CTNNA3: variants seen among roughly 807,000 people sequenced by gnomAD.
CTNNA3 encodes the protein catenin alpha-3.
Under a neutral mutation model 95.7 loss-of-function variants are expected in CTNNA3, and 76 were observed. The ratio of observed to expected loss-of-function variants is 0.79; its 90% CI spans 0.66 to 0.96. The LOEUF (loss-of-function observed/expected upper bound fraction) is 0.96. Ranked by LOEUF, CTNNA3 falls within the 40% of genes least tolerant of loss-of-function variation. CTNNA3 has a pLI of 0.00. For missense variants in CTNNA3, 1,191 were observed against 1,089.8 expected, an observed-to-expected ratio of 1.09 and a Z score of -1.31; for synonymous variants, 431 against 374.4, an observed-to-expected ratio of 1.15 and a Z score of -1.74.
At chr10:66,364,163 TTATATATATATAATATA>T (rs1158577590) in intron 12 of CTNNA3, among the ~76,000 whole-genome samples, 1 of 150,434 alleles carries the variant, frequency 6.6e-6, no homozygotes, top group Non-Finnish European at 1.5e-5. Context: ...ATTGTTCTTG[TTATATATATATAATATA>T]TATATATAGC....
At chr10:67,535,369 A>C (rs1326742913) in intron 4 of CTNNA3, among the ~76,000 whole-genome samples, 1 of 152,168 alleles carries the variant, frequency 6.6e-6, no homozygotes, top group Non-Finnish European at 1.5e-5. Context: ...AAGGAAGACA[A>C]AATCGAGAGT....
rs1030586548 is a variant in CTNNA3 at position 66,425,685 on chromosome 10, TATAC to T, written c.1532-46337_1532-46334del. 2.6e-4 allele frequency among the ~76,000 whole-genome samples: 38 copies of T among 148,322 alleles called. 1 individual carries two copies. The highest frequency in any genetic ancestry group is 9.8e-4 in the African/African-American group (38 of 38,692). On this transcript the variant is annotated intron_variant, in intron 11 of 17. Transcript: ENST00000433211. ...CATTCTTCATATAAAGATATATATA[TATAC>T]ACACACACACATATATACACACACA...
intron 7 of CTNNA3, among the ~76,000 whole-genome samples, chr10:67,047,705 CTAAAA>C (rs962081044): frequency 3.3e-5 from 5 of 152,042 alleles, no homozygotes; most frequent in African/African-American, 1.2e-4. Flanking sequence ...CTTTCACATA[CTAAAA>C]TAATTAGTGT....
chr10:67,388,045 A>C (rs1262522125), intron 5 of CTNNA3, among the ~76,000 whole-genome samples: 1 of 151,690 alleles, frequency 6.6e-6, no homozygotes, highest in African/African-American at 2.4e-5. Flanking sequence ...CAGCAACGGA[A>C]CAAAGCTGGA....
chr10:67,652,276 G>T (rs1005609548), intron 1 of CTNNA3, among the ~76,000 whole-genome samples: 1 of 152,222 alleles, frequency 6.6e-6, no homozygotes, highest in Non-Finnish European at 1.5e-5. Context: ...TCAACACATG[G>T]ATTTGCAGTG....
intron 7 of CTNNA3, among the ~76,000 whole-genome samples, chr10:67,087,717 C>T (rs1389820378): frequency 6.6e-6 from 1 of 151,940 alleles, no homozygotes; most frequent in Non-Finnish European, 1.5e-5. Context: ...TGGCCTGGAT[C>T]CTTACATAAT....
intron 15 of CTNNA3, among the ~76,000 whole-genome samples, chr10:66,021,676 G>A (rs949071996): frequency 9.2e-5 from 14 of 151,966 alleles, no homozygotes; most frequent in Admixed American, 8.5e-4. Flanking sequence ...TATTCATAGA[G>A]CTCTCAGATT....
chr10:66,727,038 G>C (rs927306805), intron 9 of CTNNA3, among the ~76,000 whole-genome samples: 2 of 152,044 alleles, frequency 1.3e-5, no homozygotes, highest in South Asian at 2.1e-4. Flanking sequence ...AAATTTCATA[G>C]ATGTGTAACA....
chr10:67,670,639 A>C (rs993576062), intron 1 of CTNNA3, among the ~76,000 whole-genome samples: 1 of 152,140 alleles, frequency 6.6e-6, no homozygotes, highest in African/African-American at 2.4e-5. Context: ...AAGCCAATCC[A>C]CTTTTATCCC....
chr10:67,095,518 C>T (rs1180905653), intron 7 of CTNNA3, among the ~76,000 whole-genome samples: 2 of 151,830 alleles, frequency 1.3e-5, no homozygotes, highest in Non-Finnish European at 3.0e-5. Context: ...ACTCTGCATA[C>T]CAGTCAGTAG....
chr10:66,529,072 C>G (rs528051052), intron 10 of CTNNA3, among the ~76,000 whole-genome samples: 1 of 151,952 alleles, frequency 6.6e-6, no homozygotes, highest in African/African-American at 2.4e-5. Flanking sequence ...GCCCTCAAAA[C>G]TCTGTATACT....
At chr10:67,100,687 C>T (rs185179768) in intron 7 of CTNNA3, among the ~76,000 whole-genome samples, 25 of 151,754 alleles carry the variant, frequency 1.6e-4, no homozygotes, top group Admixed American at 7.3e-4. Flanking sequence ...CAATAACAGC[C>T]AGCAGCTGCA....
chr10:67,209,777 C>CA (rs145387974), intron 6 of CTNNA3, among the ~76,000 whole-genome samples: 3,465 of 144,354 alleles, frequency 0.024, 145 homozygotes, highest in East Asian at 0.19. Context: ...TAGTATAAGG[C>CA]AAAGAAAAAA....
chr10:67,617,395 G>A (rs1843689772), intron 2 of CTNNA3, among the ~76,000 whole-genome samples: 1 of 151,778 alleles, frequency 6.6e-6, no homozygotes, highest in African/African-American at 2.4e-5. Flanking sequence ...AAAGATAATG[G>A]CCTCCAGCTC....
At chr10:67,579,897 G>A (rs957675555) in intron 3 of CTNNA3, among the ~76,000 whole-genome samples, 4 of 152,064 alleles carry the variant, frequency 2.6e-5, no homozygotes, top group Non-Finnish European at 5.9e-5. Context: ...TTTTTGATGG[G>A]GTTGTTTGAT....
chr10:67,335,896 T>G (rs1191785022), intron 5 of CTNNA3, among the ~76,000 whole-genome samples: 1 of 152,176 alleles, frequency 6.6e-6, no homozygotes, highest in Non-Finnish European at 1.5e-5. Context: ...GTTTTTTTTT[T>G]TTTTTACAAA....
intron 7 of CTNNA3, among the ~76,000 whole-genome samples, chr10:67,146,580 T>G (rs1284503436): frequency 6.6e-6 from 1 of 152,224 alleles, no homozygotes; most frequent in African/African-American, 2.4e-5. Flanking sequence ...CATTTGGGAC[T>G]CTCAATTATG....
chr10:66,809,733 C>T (rs115905775), intron 7 of CTNNA3, among the ~76,000 whole-genome samples: 26 of 151,432 alleles, frequency 1.7e-4, no homozygotes, highest in African/African-American at 3.6e-4. Context: ...ATTAGTTAGA[C>T]GGTCTTTGGC....
intron 5 of CTNNA3, among the ~76,000 whole-genome samples, chr10:67,249,626 A>G (rs1298979523): frequency 3.3e-5 from 5 of 152,234 alleles, no homozygotes; most frequent in Admixed American, 3.3e-4. Flanking sequence ...AAACATTGAA[A>G]TAAATGTGAG....
Sources: allele counts gnomAD v4.1 joint callset (sites outside exome capture counted in the v4.1 genomes callset), GRCh38; gene constraint gnomAD v4.1.1; transcripts MANE v1.5; gene names NCBI Gene and HGNC (gene_info 2026-07-23, HGNC 2026-07-21).